MRPL13: variants seen among roughly 807,000 people sequenced by gnomAD.
MRPL13 encodes the protein mitochondrial ribosomal protein L13, also known as large ribosomal subunit protein uL13m.
MRPL13 carries 33 observed loss-of-function variants against 29.0 expected under a neutral mutation model. That is an observed-to-expected ratio of 1.14 (90% confidence interval 0.86 to 1.52). The LOEUF (loss-of-function observed/expected upper bound fraction) is 1.52. Among genes scored for constraint, MRPL13 ranks in the 40% most tolerant of loss-of-function variants. The pLI, the probability that MRPL13 is intolerant of heterozygous loss-of-function variation, is 0.00. For missense variants in MRPL13, 227 were observed against 216.7 expected (o/e 1.05, Z -0.30); for synonymous variants, 77 against 68.4 (o/e 1.13, Z -0.62).
intron 2 of MRPL13, among the ~76,000 whole-genome samples, chr8:120,434,999 A>G (rs1204050214): frequency 1.3e-5 from 2 of 152,168 alleles, no homozygotes; most frequent in African/African-American, 4.8e-5. Context: ...GTTCATTTTT[A>G]ACTATGTTTG....
intron 2 of MRPL13, among the ~76,000 whole-genome samples, chr8:120,432,328 T>G (rs576709329): frequency 1.3e-5 from 2 of 152,170 alleles, no homozygotes; most frequent in East Asian, 3.9e-4. Flanking sequence ...GGCTGGCCAT[T>G]TGGAAAATCT....
intron 5 of MRPL13, 154 bp from the exon 6 acceptor site, chr8:120,414,266 C>T (rs956261462): frequency 8.7e-6 from 5 of 571,684 alleles, no homozygotes; most frequent in Non-Finnish European, 1.0e-5. Flanking sequence ...TATAAAAATT[C>T]CCCAAAAGTA....
intron 5 of MRPL13, among the ~76,000 whole-genome samples, chr8:120,418,374 T>C (rs557583088): frequency 1.3e-5 from 2 of 152,260 alleles, no homozygotes; most frequent in South Asian, 4.1e-4. Flanking sequence ...TTTTTATAAA[T>C]GAGATTGCTG....
rs750088534 is a variant in MRPL13, at chr8:120,419,941, G to A, written c.307-3C>T. ...CCATAAATAGCTAGTTTTACAATCT[G>A]AAAGATATACATAGGACACAATAAG... On this transcript the variant is annotated splice_polypyrimidine_tract_variant and splice_region_variant and intron_variant, in intron 4 of 6. Coordinates refer to ENST00000306185, the MANE Select transcript of MRPL13 (RefSeq NM_014078.6). 2 of 1,580,490 alleles carry A rather than the reference G, an allele frequency of 1.3e-6. No homozygotes were observed. The highest frequency in any genetic ancestry group is 1.7e-6 in the Non-Finnish European group (2 of 1,161,598).
intron 6 of MRPL13, among the ~76,000 whole-genome samples, chr8:120,408,328 A>ATCTG (rs1170881248): frequency 7.9e-5 from 12 of 152,340 alleles, no homozygotes; most frequent in African/African-American, 2.9e-4. Flanking sequence ...TTTAGTCAAA[A>ATCTG]TCTGTATCAG....
chr8:120,410,786 CTCTT>C (rs1287075254), intron 6 of MRPL13, among the ~76,000 whole-genome samples: 1 of 151,674 alleles, frequency 6.6e-6, no homozygotes, highest in African/African-American at 2.4e-5. Flanking sequence ...TCCTTTCTCT[CTCTT>C]TTTTTTTTGA....
intron 2 of MRPL13, among the ~76,000 whole-genome samples, chr8:120,433,511 C>A (rs1308010031): frequency 6.6e-6 from 1 of 152,024 alleles, no homozygotes; most frequent in African/African-American, 2.4e-5. Flanking sequence ...GGTAAAGCAT[C>A]TCGAGCCACT....
intron 4 of MRPL13, among the ~76,000 whole-genome samples, chr8:120,422,602 AT>A: frequency 6.7e-6 from 1 of 148,468 alleles, no homozygotes; most frequent in East Asian, 1.9e-4. Context: ...ATATAAACAT[AT>A]AAATATATAT....
At chr8:120,400,725 TAAATAAATAAATAAATAAAA>T (rs1393027388) in intron 6 of MRPL13, among the ~76,000 whole-genome samples, 18 of 134,808 alleles carry the variant, frequency 1.3e-4, no homozygotes, top group East Asian at 8.1e-4. Flanking sequence ...AATAAATAAA[TAAATAAATAAATAAATAAAA>T]AAAATAGACT....
intron 2 of MRPL13, among the ~76,000 whole-genome samples, chr8:120,438,738 A>C (rs1362399264): frequency 6.6e-6 from 1 of 152,222 alleles, no homozygotes; most frequent in Non-Finnish European, 1.5e-5. Flanking sequence ...CCTACATAAG[A>C]AACAGGTGCC....
intron 2 of MRPL13, among the ~76,000 whole-genome samples, chr8:120,434,606 T>C (rs1390515786): frequency 6.6e-6 from 1 of 152,138 alleles, no homozygotes; most frequent in African/African-American, 2.4e-5. Context: ...CATTCACTAA[T>C]TGATCACGTA....
chr8:120,406,586 T>A lies in MRPL13; in HGVS notation c.515+7405A>T, dbSNP rs1400776521. On this transcript the variant is annotated intron_variant, in intron 6 of 6. Coordinates refer to ENST00000306185, the MANE Select transcript of MRPL13 (RefSeq NM_014078.6). The stretch of plus-strand genomic sequence containing the variant: ...GTGTGTGTGTGTGTGTGTGTGTGTG[T>A]GTGTGTAATTGTTATCTAATACAGC... Among the ~76,000 whole-genome samples the A allele has an allele frequency of 8.2e-4, 107 of 130,300 alleles. 1 individual carries two copies. Among genetic ancestry groups the A allele is most frequent in the African/African-American group, 2.6e-3 (102 of 39,174 alleles). The allele number at this position is 130,300 out of a possible 152,430, so 85.5% of individuals were successfully genotyped here.
chr8:120,418,537 G>C (rs1812832741), intron 5 of MRPL13, among the ~76,000 whole-genome samples: 2 of 151,894 alleles, frequency 1.3e-5, no homozygotes, highest in Non-Finnish European at 2.9e-5. Context: ...GTACTGTCAA[G>C]CTTCTGAATA....
At chr8:120,428,975 C>A (rs1812965506) in intron 3 of MRPL13, among the ~76,000 whole-genome samples, 1 of 152,082 alleles carries the variant, frequency 6.6e-6, no homozygotes, top group Non-Finnish European at 1.5e-5. Flanking sequence ...TACCATTTGA[C>A]CCAGCAATCC....
intron 6 of MRPL13, among the ~76,000 whole-genome samples, chr8:120,396,806 G>C (rs1273960364): frequency 1.3e-5 from 2 of 152,190 alleles, no homozygotes; most frequent in African/African-American, 2.4e-5. Context: ...TGTATTTGTA[G>C]GTGTTGGGTT....
At chr8:120,431,957 A>T in intron 3 of MRPL13, 73 bp downstream of exon 3, 1 of 1,039,622 alleles carries the variant, frequency 9.6e-7, no homozygotes, top group Non-Finnish European at 1.4e-6. Context: ...TTTTTCTTTT[A>T]AGTAAGAACA....
chr8:120,428,138 A>C (rs1323594409), intron 3 of MRPL13, among the ~76,000 whole-genome samples: 1 of 149,544 alleles, frequency 6.7e-6, no homozygotes, highest in African/African-American at 2.4e-5. Context: ...AAAAAAAAAA[A>C]AAAAAAAAAC....
rs2130468011 is a variant in MRPL13 at position 120,420,034 on chromosome 8, G to A, written c.307-96C>T. Reference sequence around the variant, plus strand: ...GATGATGATGAAAATGAGGGGTTTAGATTCAACACGAATATAGGAAAGAAA... The same window carrying A: ...GATGATGATGAAAATGAGGGGTTTAAATTCAACACGAATATAGGAAAGAAA... On this transcript the variant is annotated intron_variant, in intron 4 of 6. Coordinates refer to ENST00000306185, the MANE Select transcript of MRPL13 (RefSeq NM_014078.6). 4.3e-6 allele frequency: 3 copies of A among 704,622 alleles called. No homozygotes were observed. The South Asian group carries it at 9.8e-5, about 23-fold the overall frequency. 43.6% of individuals were successfully genotyped at this position (704,622 alleles called of 1,614,324 possible).
chr8:120,435,651 A>G (rs531188405), intron 2 of MRPL13, among the ~76,000 whole-genome samples: 2 of 152,204 alleles, frequency 1.3e-5, no homozygotes, highest in East Asian at 1.9e-4. Context: ...TATTATGAAC[A>G]GTGCTAAAAT....
Sources: allele counts gnomAD v4.1 joint callset (sites outside exome capture counted in the v4.1 genomes callset), GRCh38; gene constraint gnomAD v4.1.1; transcripts MANE v1.5; gene names NCBI Gene and HGNC (gene_info 2026-07-23, HGNC 2026-07-21).